The following SORCS1 variants were observed in gnomAD, a reference collection of about 807,000 sequenced individuals.
The protein encoded by SORCS1 is sortilin related VPS10 domain containing receptor 1.
SORCS1 carries 60 observed loss-of-function variants against 146.1 expected under a neutral mutation model. The observed-to-expected ratio is 0.41, with a 90% confidence interval of 0.33 to 0.51. The LOEUF is 0.51. SORCS1 is among the 20% of genes least tolerant of loss of function. The probability of loss-of-function intolerance (pLI) is 0.21; values close to 1 mark genes in which losing one functional copy is unlikely to be tolerated. For missense variants in SORCS1, 1,352 were observed against 1,487.6 expected (o/e 0.91, Z 1.50); for synonymous variants, 637 against 584.0 (o/e 1.09, Z -1.31).
chr10:107,065,423 CTT>C (rs1554937398), intron 1 of SORCS1, among the ~76,000 whole-genome samples: 2 of 140,262 alleles, frequency 1.4e-5, no homozygotes, highest in African/African-American at 5.1e-5. Context: ...TCTTTTCTTT[CTT>C]TCTTTCTTTC....
intron 2 of SORCS1, among the ~76,000 whole-genome samples, chr10:106,906,204 G>A (rs112083847): frequency 0.02 from 3,094 of 152,222 alleles, 90 homozygotes; most frequent in East Asian, 0.11. Context: ...AAGCTCAGCC[G>A]CCTGGGTTCA....
chr10:106,815,179 G>C (rs141868193), intron 3 of SORCS1, among the ~76,000 whole-genome samples: 192 of 151,958 alleles, frequency 1.3e-3, no homozygotes, highest in African/African-American at 4.5e-3. Context: ...GGCTGGTCTC[G>C]ATCTCCTGAC....
At chr10:106,903,360 G>A (rs1202418611) in intron 2 of SORCS1, among the ~76,000 whole-genome samples, 5 of 152,280 alleles carry the variant, frequency 3.3e-5, no homozygotes, top group African/African-American at 1.2e-4. Flanking sequence ...ATCTGGTAAT[G>A]AATTGCTTTC....
chr10:106,859,706 T>C (rs1364895868), intron 2 of SORCS1, among the ~76,000 whole-genome samples: 1 of 152,188 alleles, frequency 6.6e-6, no homozygotes, highest in Non-Finnish European at 1.5e-5. Flanking sequence ...CCTTCTTTCA[T>C]TGAACCTTTT....
At chr10:106,702,255 A>C (rs1283249139) in intron 8 of SORCS1, among the ~76,000 whole-genome samples, 2 of 152,194 alleles carry the variant, frequency 1.3e-5, no homozygotes, top group Non-Finnish European at 2.9e-5. Flanking sequence ...GAGAAACATC[A>C]AACAACTATT....
chr10:106,829,110 T>G (rs1056367179), intron 3 of SORCS1, among the ~76,000 whole-genome samples: 1 of 152,252 alleles, frequency 6.6e-6, no homozygotes, highest in East Asian at 1.9e-4. Flanking sequence ...GACATTTGTG[T>G]GCAGACTGAA....
At chr10:106,795,682 G>A (rs1202136842) in intron 3 of SORCS1, among the ~76,000 whole-genome samples, 1 of 152,098 alleles carries the variant, frequency 6.6e-6, no homozygotes, top group Non-Finnish European at 1.5e-5. Flanking sequence ...TAGGCATCAA[G>A]GTATTTGCTA....
chr10:107,149,889 A>G (rs1250525688), intron 1 of SORCS1, among the ~76,000 whole-genome samples: 1 of 152,226 alleles, frequency 6.6e-6, no homozygotes, highest in Non-Finnish European at 1.5e-5. Context: ...AGAATTAAAA[A>G]CAGGCACTAA....
chr10:107,033,935 G>C (rs1289050568), intron 1 of SORCS1, among the ~76,000 whole-genome samples: 3 of 152,164 alleles, frequency 2.0e-5, no homozygotes, highest in African/African-American at 7.2e-5. Context: ...GTTAAGCAAG[G>C]CAGCTGCATG....
intron 1 of SORCS1, among the ~76,000 whole-genome samples, chr10:107,001,861 G>A (rs1372027842): frequency 1.3e-5 from 2 of 152,166 alleles, no homozygotes; most frequent in Admixed American, 1.3e-4. Flanking sequence ...GTTAAACCTG[G>A]CTCTAAAAGG....
intron 2 of SORCS1, among the ~76,000 whole-genome samples, chr10:106,830,128 A>C (rs980934997): frequency 3.3e-5 from 5 of 152,202 alleles, no homozygotes; most frequent in African/African-American, 1.2e-4. Context: ...TTCAAAGGTC[A>C]GTCAGTCTTT....
intron 1 of SORCS1, among the ~76,000 whole-genome samples, chr10:106,994,086 A>AAAAAAAAAAAAAAAAAAAAAAG (rs1554908001): frequency 3.0e-5 from 4 of 135,002 alleles, no homozygotes; most frequent in African/African-American, 1.1e-4. Flanking sequence ...AAAAAAAAAA[A>AAAAAAAAAAAAAAAAAAAAAAG]AGAAAATGAG....
At chr10:106,857,595 A>T (rs1168751723) in intron 2 of SORCS1, among the ~76,000 whole-genome samples, 1 of 152,216 alleles carries the variant, frequency 6.6e-6, no homozygotes, top group Non-Finnish European at 1.5e-5. Flanking sequence ...GGTGCATCAC[A>T]GACTCTGCTC....
At chr10:106,796,453 A>G (rs965490179) in intron 3 of SORCS1, among the ~76,000 whole-genome samples, 5 of 152,166 alleles carry the variant, frequency 3.3e-5, no homozygotes, top group African/African-American at 1.2e-4. Flanking sequence ...CCTGAAGGAA[A>G]ATTCTTCCAC....
chr10:106,997,043 T>TC (rs1957032924), intron 1 of SORCS1, among the ~76,000 whole-genome samples: 1 of 151,994 alleles, frequency 6.6e-6, no homozygotes, highest in South Asian at 2.1e-4. Context: ...TCCTTTTTTT[T>TC]TTTCTTTATA....
At chr10:106,855,237 A>G (rs1000886367) in intron 2 of SORCS1, among the ~76,000 whole-genome samples, 1 of 152,084 alleles carries the variant, frequency 6.6e-6, no homozygotes, top group African/African-American at 2.4e-5. Context: ...AGTCAGATGT[A>G]TTTTTCATCT....
chr10:106,885,188 T>A (rs1950948293), intron 2 of SORCS1, among the ~76,000 whole-genome samples: 1 of 151,932 alleles, frequency 6.6e-6, no homozygotes, highest in Non-Finnish European at 1.5e-5. Flanking sequence ...GCTACAATAA[T>A]CATATAATTT....
chr10:106,993,146 T>A lies in SORCS1; in HGVS notation c.559-36566A>T, dbSNP rs115542591. ...CGCCCAGCCGGGCCTGGCTAATTTC[T>A]TACAGGGCTTTCATGTCAGGTTTAG... On this transcript the variant is annotated intron_variant, in intron 1 of 25. Transcript: ENST00000263054. 2.8e-3 allele frequency among the ~76,000 whole-genome samples: 420 copies of A among 151,758 alleles called. 2 individuals are homozygous for A. The highest frequency in any genetic ancestry group is 9.7e-3 in the African/African-American group (401 of 41,180).
At chr10:106,658,826 T>C (rs1850502064) in intron 17 of SORCS1, among the ~76,000 whole-genome samples, 1 of 152,234 alleles carries the variant, frequency 6.6e-6, no homozygotes, top group South Asian at 2.1e-4. Flanking sequence ...GAGATTCTTC[T>C]ACCCCTGCAT....
Sources: gnomAD v4.1 joint callset for allele counts (sites outside exome capture counted in the v4.1 genomes callset) on GRCh38, gnomAD v4.1.1 for gene constraint, MANE v1.5 for transcripts, NCBI Gene and HGNC (gene_info 2026-07-23, HGNC 2026-07-21) for gene names.